ARB2A: variants seen among roughly 807,000 people sequenced by gnomAD.
ARB2A encodes the protein ARB2 cotranscriptional regulator A.
the ARB2A span, chr5:93,739,913 A>T: frequency 3.3e-5 from 5 of 151,220 alleles, no homozygotes; most frequent in African/African-American, 1.2e-4. Context: ...GACAAGACAT[A>T]GTCCCATGGG....
At chr5:93,915,623 C>G in the ARB2A span, among the ~76,000 whole-genome samples, 1 of 151,914 alleles carries the variant, frequency 6.6e-6, no homozygotes, top group African/African-American at 2.4e-5. Flanking sequence ...AATATAATAA[C>G]TTTCACACAA....
the ARB2A span, among the ~76,000 whole-genome samples, chr5:93,700,637 G>A: frequency 6.6e-6 from 1 of 152,082 alleles, no homozygotes; most frequent in Admixed American, 6.6e-5. Flanking sequence ...TACTTATTAT[G>A]AAAGGAAAAT....
chr5:93,830,057 A>T, the ARB2A span, among the ~76,000 whole-genome samples: 1 of 151,998 alleles, frequency 6.6e-6, no homozygotes, highest in Non-Finnish European at 1.5e-5. Context: ...GAAAGATATT[A>T]TCAGTAATTG....
chr5:93,697,671 C>T, the ARB2A span, among the ~76,000 whole-genome samples: 23,799 of 152,104 alleles, frequency 0.16, 2,075 homozygotes, highest in Middle Eastern at 0.27. Flanking sequence ...TTATAAATCA[C>T]ATTGTTTCTT....
chr5:94,034,161 A>C, the ARB2A span, among the ~76,000 whole-genome samples: 1 of 152,222 alleles, frequency 6.6e-6, no homozygotes. Context: ...TAAATTACCT[A>C]GTCTCTGGAA....
chr5:93,975,267 A>AGATCATGCCACTGCAC, the ARB2A span, among the ~76,000 whole-genome samples: 274 of 149,402 alleles, frequency 1.8e-3, 2 homozygotes, highest in African/African-American at 6.3e-3. Context: ...CAGTGATCCG[A>AGATCATGCCACTGCAC]GATCATGCCA....
chr5:94,091,263 C>G, the ARB2A span, among the ~76,000 whole-genome samples: 1 of 152,142 alleles, frequency 6.6e-6, no homozygotes, highest in Non-Finnish European at 1.5e-5. Flanking sequence ...ACTGAAATGT[C>G]TAAGTTCTTA....
At chr5:93,646,403 C>T in the ARB2A span, among the ~76,000 whole-genome samples, 2 of 149,710 alleles carry the variant, frequency 1.3e-5, no homozygotes, top group African/African-American at 5.0e-5. Flanking sequence ...AATTTAAAAC[C>T]CCTAGAAATG....
chr5:93,653,767 G>A, the ARB2A span, among the ~76,000 whole-genome samples: 1 of 151,932 alleles, frequency 6.6e-6, no homozygotes, highest in South Asian at 2.1e-4. Flanking sequence ...TATATTATTA[G>A]AGTCTATCCT....
At chr5:93,653,491 G>A in the ARB2A span, among the ~76,000 whole-genome samples, 11 of 87,302 alleles carry the variant, frequency 1.3e-4, no homozygotes, top group Admixed American at 7.9e-4. Flanking sequence ...CAGTCTGGGC[G>A]AAAAAGCGAG....
chr5:93,658,566 A>T, the ARB2A span, among the ~76,000 whole-genome samples: 2 of 152,280 alleles, frequency 1.3e-5, no homozygotes, highest in Admixed American at 1.3e-4. Context: ...CACTGCCTTC[A>T]AAAAGTTTAT....
At chr5:93,824,420 A>C in the ARB2A span, among the ~76,000 whole-genome samples, 2 of 152,202 alleles carry the variant, frequency 1.3e-5, no homozygotes, top group African/African-American at 2.4e-5. Flanking sequence ...CTACATTGAA[A>C]ATTCAAATTA....
chr5:93,864,212 T>C, the ARB2A span, among the ~76,000 whole-genome samples: 1 of 152,178 alleles, frequency 6.6e-6, no homozygotes, highest in Middle Eastern at 3.2e-3. Context: ...TAAAACCTTA[T>C]TAAAAGGTTA....
At chr5:93,934,145 C>G in the ARB2A span, among the ~76,000 whole-genome samples, 2 of 152,200 alleles carry the variant, frequency 1.3e-5, no homozygotes, top group South Asian at 4.2e-4. Context: ...ATTTTAAACT[C>G]CTTTGAGGAC....
At chr5:94,004,691 T>A in the ARB2A span, among the ~76,000 whole-genome samples, 3 of 152,150 alleles carry the variant, frequency 2.0e-5, no homozygotes, top group East Asian at 5.8e-4. Flanking sequence ...TCCTGGTAGT[T>A]ATGGTCTATC....
the ARB2A span, chr5:93,776,070 T>G: frequency 4.7e-6 from 5 of 1,066,594 alleles, no homozygotes; most frequent in South Asian, 5.1e-5. Context: ...AAAAACAAAC[T>G]AATTCACAAA....
chr5:93,811,357 A>G, the ARB2A span, among the ~76,000 whole-genome samples: 1 of 152,126 alleles, frequency 6.6e-6, no homozygotes, highest in African/African-American at 2.4e-5. Context: ...CTAATTTTAC[A>G]TTTTCCACAC....
chr5:93,714,836 G>T, the ARB2A span, among the ~76,000 whole-genome samples: 1 of 152,140 alleles, frequency 6.6e-6, no homozygotes, highest in Non-Finnish European at 1.5e-5. Context: ...ATCTAGTCTT[G>T]ATAAGTACAT....
chr5:94,035,798 T>C, the ARB2A span, among the ~76,000 whole-genome samples: 15 of 151,414 alleles, frequency 9.9e-5, no homozygotes, highest in African/African-American at 2.9e-4. Context: ...TAAGTGGGAG[T>C]TGAACAATGA....
Sources: gnomAD v4.1 joint callset for allele counts (sites outside exome capture counted in the v4.1 genomes callset) on GRCh38, gnomAD v4.1.1 for gene constraint, MANE v1.5 for transcripts, NCBI Gene and HGNC (gene_info 2026-07-23, HGNC 2026-07-21) for gene names.